The following USH2A variants were observed in gnomAD, a reference collection of about 807,000 sequenced individuals.
The protein encoded by USH2A is usherin.
In USH2A, 443 loss-of-function variants were observed where a neutral mutation model predicts 538.9. That is an observed-to-expected ratio of 0.82 (90% CI 0.76 to 0.89). The LOEUF (loss-of-function observed/expected upper bound fraction) is 0.89, where lower values mean the gene tolerates loss of function less well. Among genes scored for constraint, USH2A ranks in the 40% least tolerant of loss-of-function variants. USH2A has a pLI of 0.00. For missense variants in USH2A, 6,633 were observed against 6,324.8 expected (o/e 1.05, Z -1.65); for synonymous variants, 2,413 against 2,273.5 (o/e 1.06, Z -1.75).
At chr1:215,702,071 C>T (rs1193833144) in intron 61 of USH2A, among the ~76,000 whole-genome samples, 4 of 152,168 alleles carry the variant, frequency 2.6e-5, no homozygotes, top group African/African-American at 9.7e-5. Flanking sequence ...TTCTCCTTCA[C>T]TTTTGAAGCT....
intron 21 of USH2A, among the ~76,000 whole-genome samples, chr1:216,148,008 G>T (rs1252982831): frequency 6.2e-5 from 8 of 128,052 alleles, no homozygotes; most frequent in African/African-American, 1.2e-4. Flanking sequence ...CTCGGCTTAG[G>T]GGCTGAAGAC....
chr1:216,327,773 C>G, intron 4 of USH2A, 119 bp from the exon 5 acceptor site: 3 of 1,211,484 alleles, frequency 2.5e-6, no homozygotes, highest in Non-Finnish European at 3.6e-6. Context: ...TATGTCACTG[C>G]CCTTTGAAAC....
chr1:215,798,788 C>T (rs1009742346), intron 50 of USH2A, 119 bp downstream of exon 50: 1 of 1,116,022 alleles, frequency 9.0e-7, no homozygotes, highest in East Asian at 2.5e-5. Context: ...CTAATTATTG[C>T]ATTAGATATA....
Position 216,070,176 on chromosome 1 carries a change from A to G in USH2A, c.5974T>C (p.Tyr1992His). 2.5e-6 allele frequency: 4 copies of G among 1,613,996 alleles called. No homozygotes were observed. Among genetic ancestry groups the G allele is most frequent in the Non-Finnish European group, 2.5e-6 (3 of 1,179,944 alleles). Residue 1992 changes from tyrosine (Y) to histidine (H), a missense_variant, in exon 30 of 72, where the codon TAT becomes CAT. Coordinates refer to ENST00000307340, the MANE Select transcript of USH2A (RefSeq NM_206933.4). ...GGTGGACGGGTGCTGTCCTCACTATAGGCTTTCAGAATGTACTTCTCAATT... is the reference window on the plus strand; with the variant it reads ...GGTGGACGGGTGCTGTCCTCACTATGGGCTTTCAGAATGTACTTCTCAATT... ...GVIEKYILKA[Y>H]SEDSTRPPRM... is the part of the protein sequence containing the mutation.
chr1:216,042,129 T>C (rs948012750), intron 32 of USH2A, among the ~76,000 whole-genome samples: 2 of 152,060 alleles, frequency 1.3e-5, no homozygotes, highest in African/African-American at 4.8e-5. Flanking sequence ...ATTCAAAACA[T>C]TTCAAAATAT....
chr1:216,076,975 A>G (rs1425089208), intron 27 of USH2A, among the ~76,000 whole-genome samples: 1 of 152,168 alleles, frequency 6.6e-6, no homozygotes, highest in Non-Finnish European at 1.5e-5. Context: ...CATTGACTGT[A>G]AAAAGGAGAG....
chr1:215,999,023 T>C lies in USH2A; in HGVS notation c.6521A>G (p.Glu2174Gly). The change falls in exon 34 of 72, where the codon GAA (glutamate) becomes GGA (glycine). Residue 2174 changes from glutamate to glycine, a missense_variant. Glu to Gly is a moderately conservative substitution (Grantham distance 98). Coordinates refer to ENST00000307340, the MANE Select transcript of USH2A (RefSeq NM_206933.4). ...KQPRKISGIL[E>G]RYVLYMSNHT... is the part of the protein sequence containing the mutation. ...GTTTGACATATATAATACATAGCGT[T>C]CCAGAATCCCACTTATTTTTCTTGG... 6.2e-7 allele frequency: 1 copy of C among 1,612,532 alleles called. No homozygotes were observed. Among genetic ancestry groups the C allele is most frequent in the Non-Finnish European group, 8.5e-7 (1 of 1,178,920 alleles).
At chr1:215,705,154 A>G (rs1416337909) in intron 61 of USH2A, among the ~76,000 whole-genome samples, 1 of 152,246 alleles carries the variant, frequency 6.6e-6, no homozygotes, top group African/African-American at 2.4e-5. Flanking sequence ...ATGTATCCCT[A>G]AGAAAGAGAA....
At chr1:215,915,751 G>A (rs543896622) in intron 38 of USH2A, among the ~76,000 whole-genome samples, 40 of 151,390 alleles carry the variant, frequency 2.6e-4, no homozygotes, top group Non-Finnish European at 5.6e-4. Flanking sequence ...TGTTTATTGC[G>A]GCACTATTCA....
At chr1:216,220,961 A>G (rs1330459980) in intron 14 of USH2A, among the ~76,000 whole-genome samples, 2 of 152,190 alleles carry the variant, frequency 1.3e-5, no homozygotes, top group East Asian at 3.9e-4. Context: ...AATAAACAAA[A>G]GAGAATGAGA....
At chr1:216,363,416 G>A (rs558465635) in intron 4 of USH2A, among the ~76,000 whole-genome samples, 1 of 152,028 alleles carries the variant, frequency 6.6e-6, no homozygotes, top group African/African-American at 2.4e-5. Context: ...AAAATATCTT[G>A]CCAGGCCATA....
At chr1:216,086,919 T>A in intron 23 of USH2A, 99 bp from the exon 24 acceptor site, 1 of 895,644 alleles carries the variant, frequency 1.1e-6, no homozygotes, top group Non-Finnish European at 1.8e-6. Context: ...GGGATACCAC[T>A]CTCTTGGTTT....
intron 60 of USH2A, among the ~76,000 whole-genome samples, chr1:215,734,874 C>G (rs781227345): frequency 3.3e-5 from 5 of 152,174 alleles, no homozygotes; most frequent in South Asian, 4.1e-4. Flanking sequence ...TTGGTGAGAA[C>G]CATTTAACCA....
chr1:215,969,024 A>T (rs1337757133), intron 36 of USH2A, among the ~76,000 whole-genome samples: 1 of 152,208 alleles, frequency 6.6e-6, no homozygotes, highest in Non-Finnish European at 1.5e-5. Context: ...CTAGCCATCC[A>T]GGGCTATTTA....
chr1:216,198,627 A>C, intron 17 of USH2A, 43 bp from the exon 18 acceptor site: 1 of 1,589,506 alleles, frequency 6.3e-7, no homozygotes, highest in Non-Finnish European at 8.6e-7. Flanking sequence ...CATCAGACAA[A>C]GGGGTTACTT....
At chr1:216,057,745 AC>A (rs1208691017) in intron 30 of USH2A, among the ~76,000 whole-genome samples, 2 of 152,302 alleles carry the variant, frequency 1.3e-5, no homozygotes, top group South Asian at 2.1e-4. Flanking sequence ...TTTATGGTCT[AC>A]TATAAAAACT....
At chr1:216,250,852 T>C (rs2036144301) in intron 12 of USH2A, 51 bp downstream of exon 12, 1 of 1,585,070 alleles carries the variant, frequency 6.3e-7, no homozygotes, top group South Asian at 1.1e-5. Context: ...TAGAGAATTT[T>C]ATTCCAGATG....
At chr1:215,900,630 G>A in intron 39 of USH2A, 125 bp downstream of exon 39, 1 of 1,231,232 alleles carries the variant, frequency 8.1e-7, no homozygotes, top group Admixed American at 2.0e-5. Context: ...TAATTGTTTG[G>A]GGTTTTTTTG....
intron 5 of USH2A, among the ~76,000 whole-genome samples, chr1:216,326,378 A>G (rs2037735354): frequency 6.6e-6 from 1 of 152,146 alleles, no homozygotes; most frequent in Non-Finnish European, 1.5e-5. Flanking sequence ...ACCCCAGTGG[A>G]GCAGTGAAGG....
Sources: gnomAD v4.1 joint callset for allele counts (sites outside exome capture counted in the v4.1 genomes callset) on GRCh38, gnomAD v4.1.1 for gene constraint, MANE v1.5 for transcripts, NCBI Gene and HGNC (gene_info 2026-07-23, HGNC 2026-07-21) for gene names.